MACROD2: variants seen among roughly 807,000 people sequenced by gnomAD.
The protein encoded by MACROD2 is ADP-ribose glycohydrolase MACROD2.
Under a neutral mutation model 70.4 loss-of-function variants are expected in MACROD2, and 36 were observed. That is an observed-to-expected ratio of 0.51 (90% CI 0.39 to 0.68). MACROD2 has a LOEUF of 0.68. MACROD2 is among the 30% of genes least tolerant of loss of function. MACROD2 has a pLI of 0.00. For missense variants in MACROD2, 496 were observed against 538.4 expected (o/e 0.92, Z 0.78); for synonymous variants, 172 against 178.8 (o/e 0.96, Z 0.30).
At chr20:15,714,032 C>CACAT (rs1555868659) in intron 8 of MACROD2, among the ~76,000 whole-genome samples, 2 of 149,710 alleles carry the variant, frequency 1.3e-5, no homozygotes, top group Non-Finnish European at 2.9e-5. Flanking sequence ...CACACACACA[C>CACAT]GGTATAAATG....
At chr20:14,344,320 A>G (rs764163674) in intron 3 of MACROD2, among the ~76,000 whole-genome samples, 1 of 152,188 alleles carries the variant, frequency 6.6e-6, no homozygotes, top group African/African-American at 2.4e-5. Context: ...TTAGATTTGG[A>G]TTATGTAAAT....
At chr20:14,059,401 C>A (rs1419795339) in intron 2 of MACROD2, among the ~76,000 whole-genome samples, 1 of 152,104 alleles carries the variant, frequency 6.6e-6, no homozygotes, top group Non-Finnish European at 1.5e-5. Flanking sequence ...AAAGACAAGA[C>A]CCCTGATCTC....
At chr20:14,987,883 G>A (rs541758276) in intron 5 of MACROD2, among the ~76,000 whole-genome samples, 1 of 152,162 alleles carries the variant, frequency 6.6e-6, no homozygotes, top group East Asian at 1.9e-4. Context: ...ATGAACAGAA[G>A]TTTCAGAAAT....
intron 8 of MACROD2, among the ~76,000 whole-genome samples, chr20:15,622,469 ACCATGATACCATGGCAGTGG>A (rs1441569663): frequency 3.3e-5 from 5 of 152,270 alleles, no homozygotes; most frequent in Non-Finnish European, 5.9e-5. Context: ...GAACACAAGC[ACCATGATACCATGGCAGTGG>A]CTCTGATAAC....
intron 8 of MACROD2, among the ~76,000 whole-genome samples, chr20:15,590,230 C>T (rs920021501): frequency 3.3e-5 from 5 of 152,084 alleles, no homozygotes; most frequent in Non-Finnish European, 4.4e-5. Context: ...CACTATACGC[C>T]AGGTAGCATG....
chr20:14,684,656 C>G (rs60754207), intron 4 of MACROD2, among the ~76,000 whole-genome samples, 187 bp from the exon 5 acceptor site: 4,077 of 113,328 alleles, frequency 0.036, 210 homozygotes, highest in African/African-American at 0.12. Flanking sequence ...TCACCCCCCC[C>G]CCCCGGCCCC....
intron 5 of MACROD2, among the ~76,000 whole-genome samples, chr20:14,724,847 T>C (rs891616148): frequency 2.0e-5 from 3 of 151,934 alleles, no homozygotes; most frequent in African/African-American, 7.3e-5. Context: ...CACTGGAAGG[T>C]TGTGAGGAGG....
chr20:14,962,449 T>TTATA (rs201799271), intron 5 of MACROD2, among the ~76,000 whole-genome samples: 305 of 143,058 alleles, frequency 2.1e-3, no homozygotes, highest in African/African-American at 7.4e-3. Flanking sequence ...TATATAGTAT[T>TTATA]TATATATATA....
In MACROD2 at chr20:15,954,180, A is replaced by T. The variant is rs2065944515; in HGVS notation, c.908-13373A>T. ...TCACCATTACCAGACAAAGCAAAGT[A>T]AACAGATCCCAGCACACTCCTTCTT... On this transcript the variant is annotated intron_variant, in intron 12 of 17. Coordinates refer to ENST00000684519, the MANE Select transcript of MACROD2 (RefSeq NM_001351661.2). 3.9e-5 allele frequency among the ~76,000 whole-genome samples: 6 copies of T among 152,182 alleles called. No homozygotes were observed. The South Asian group carries it at 1.2e-3, about 32-fold the overall frequency.
intron 3 of MACROD2, among the ~76,000 whole-genome samples, chr20:14,442,106 C>T (rs896307710): frequency 3.3e-5 from 5 of 151,940 alleles, no homozygotes; most frequent in African/African-American, 4.8e-5. Flanking sequence ...CCCATCTCTA[C>T]AAAAAATATA....
At chr20:15,487,478 A>G (rs2047177120) in intron 7 of MACROD2, among the ~76,000 whole-genome samples, 1 of 152,214 alleles carries the variant, frequency 6.6e-6, no homozygotes, top group African/African-American at 2.4e-5. Flanking sequence ...ATTATGTATT[A>G]TTTTTAATCA....
intron 2 of MACROD2, among the ~76,000 whole-genome samples, chr20:14,034,659 A>G (rs1267189357): frequency 2.0e-5 from 3 of 152,218 alleles, no homozygotes; most frequent in Non-Finnish European, 2.9e-5. Flanking sequence ...CATGAGTGAG[A>G]TTAAACCTGT....
intron 2 of MACROD2, among the ~76,000 whole-genome samples, chr20:14,008,926 A>C (rs939411945): frequency 8.5e-5 from 13 of 152,206 alleles, no homozygotes; most frequent in Non-Finnish European, 1.9e-4. Flanking sequence ...ATATGCAGAA[A>C]ATTGAAACTG....
intron 6 of MACROD2, among the ~76,000 whole-genome samples, chr20:15,272,263 A>T (rs561385518): frequency 3.0e-4 from 45 of 152,332 alleles, no homozygotes; most frequent in African/African-American, 1.0e-3. Flanking sequence ...TTAGCATTTT[A>T]TGATTCTTTG....
At chr20:15,439,990 C>A (rs1377639136) in intron 7 of MACROD2, among the ~76,000 whole-genome samples, 1 of 152,096 alleles carries the variant, frequency 6.6e-6, no homozygotes, top group Non-Finnish European at 1.5e-5. Context: ...CTCAGGCGTG[C>A]TTTCTGCCCT....
chr20:14,634,537 T>G, intron 4 of MACROD2, among the ~76,000 whole-genome samples: 1 of 124,516 alleles, frequency 8.0e-6, no homozygotes, highest in East Asian at 2.8e-4. Flanking sequence ...TTCCTTCTTA[T>G]CCCTCCCCCC....
chr20:14,732,564 C>A (rs1325778326), intron 5 of MACROD2, among the ~76,000 whole-genome samples: 2 of 152,044 alleles, frequency 1.3e-5, no homozygotes, highest in African/African-American at 4.8e-5. Flanking sequence ...GAAACATAAA[C>A]CTTTGCTTTG....
rs145377319 is a variant in MACROD2, at chr20:14,760,040, C to T, written c.418+75081C>T. Among the ~76,000 whole-genome samples, 548 of 152,088 alleles carry T rather than the reference C, an allele frequency of 3.6e-3. 8 individuals carry two copies. The highest frequency in any genetic ancestry group is 0.013 in the African/African-American group (524 of 41,420). On this transcript the variant is annotated intron_variant, in intron 5 of 17. Coordinates refer to ENST00000684519, the MANE Select transcript of MACROD2 (RefSeq NM_001351661.2). ...TGAGTAAGGGAAGTGCTTACCTGGG[C>T]ATTGGACATGGGAGAGATTTTCTGA...
chr20:14,073,823 A>G (rs2053882026), intron 2 of MACROD2, among the ~76,000 whole-genome samples: 1 of 152,250 alleles, frequency 6.6e-6, no homozygotes, highest in Non-Finnish European at 1.5e-5. Flanking sequence ...TAGAAGGGAC[A>G]TACTTTTTCC....
Sources: allele counts gnomAD v4.1 joint callset (sites outside exome capture counted in the v4.1 genomes callset), GRCh38; gene constraint gnomAD v4.1.1; transcripts MANE v1.5; gene names NCBI Gene and HGNC (gene_info 2026-07-23, HGNC 2026-07-21).